EIF4G3: variants seen among roughly 807,000 people sequenced by gnomAD.
EIF4G3 encodes the protein eIF-4-gamma 3.
In EIF4G3, 34 loss-of-function variants were observed where a neutral mutation model predicts 186.4. The ratio of observed to expected loss-of-function variants is 0.18; its 90% CI spans 0.14 to 0.24. The LOEUF (loss-of-function observed/expected upper bound fraction) is 0.24, where lower values mean the gene tolerates loss of function less well. EIF4G3 is among the 10% of genes least tolerant of loss of function. EIF4G3 has a pLI of 1.00. For synonymous variants in EIF4G3, 673 were observed against 679.5 expected, an observed-to-expected ratio of 0.99 and a Z score of 0.15; for missense variants, 1,536 against 1,948.5, an observed-to-expected ratio of 0.79 and a Z score of 3.99.
intron 7 of EIF4G3, among the ~76,000 whole-genome samples, chr1:20,996,122 C>G (rs1411333399): frequency 2.6e-5 from 4 of 152,124 alleles, no homozygotes; most frequent in Non-Finnish European, 5.9e-5. Context: ...AGTAGTAATA[C>G]TAATTCTATG....
chr1:21,113,322 A>T (rs184860088), intron 2 of EIF4G3, among the ~76,000 whole-genome samples: 76 of 151,060 alleles, frequency 5.0e-4, no homozygotes, highest in East Asian at 4.7e-3. Context: ...TTTTTTTTTT[A>T]AATTCTATCA....
intron 2 of EIF4G3, among the ~76,000 whole-genome samples, chr1:21,122,972 G>C (rs2096953730): frequency 6.6e-6 from 1 of 152,136 alleles, no homozygotes; most frequent in African/African-American, 2.4e-5. Context: ...TGAATGTAAG[G>C]TTAATATAAT....
chr1:20,869,099 C>T (rs2078388149), intron 20 of EIF4G3, among the ~76,000 whole-genome samples: 1 of 152,148 alleles, frequency 6.6e-6, no homozygotes, highest in Non-Finnish European at 1.5e-5. Context: ...ATGGTAAGTC[C>T]TGGCCTTGGC....
chr1:21,089,608 C>A (rs996750133), intron 2 of EIF4G3, among the ~76,000 whole-genome samples: 1 of 152,108 alleles, frequency 6.6e-6, no homozygotes, highest in Non-Finnish European at 1.5e-5. Context: ...TCAAGACAAG[C>A]CTGGGCAACA....
At chr1:21,106,471 C>T (rs2096620373) in intron 2 of EIF4G3, among the ~76,000 whole-genome samples, 1 of 152,066 alleles carries the variant, frequency 6.6e-6, no homozygotes, top group African/African-American at 2.4e-5. Flanking sequence ...GAATAGTTTA[C>T]AGATAGTGTA....
chr1:21,137,176 C>T (rs2097261348), intron 2 of EIF4G3, among the ~76,000 whole-genome samples: 1 of 148,270 alleles, frequency 6.7e-6, no homozygotes, highest in South Asian at 2.1e-4. Flanking sequence ...CTAGGTCTCA[C>T]TCTGTTGCTC....
chr1:20,960,633 G>A (rs558680535), intron 12 of EIF4G3, among the ~76,000 whole-genome samples: 3 of 152,060 alleles, frequency 2.0e-5, no homozygotes, highest in Non-Finnish European at 2.9e-5. Flanking sequence ...TGTGCATGTA[G>A]TCCCAGCTAC....
In EIF4G3 at chr1:21,033,415, A is replaced by T. The variant is rs532297051; in HGVS notation, c.-67+17451T>A. Among the ~76,000 whole-genome samples the T allele has an allele frequency of 3.3e-5, 5 of 152,322 alleles. No homozygotes were observed. The South Asian group carries it at 1.0e-3, about 32-fold the overall frequency. On this transcript the variant is annotated intron_variant, in intron 4 of 36. Transcript: ENST00000602326. ...CAGAAACATGATATTGAAACCTAAC[A>T]GCAGAGCAGATAAAGAATTCATTCT...
intron 20 of EIF4G3, among the ~76,000 whole-genome samples, chr1:20,876,684 G>C (rs1380676248): frequency 6.6e-6 from 1 of 152,152 alleles, no homozygotes; most frequent in Admixed American, 6.6e-5. Flanking sequence ...GTTCAAATAG[G>C]TTGTTATCTT....
intron 34 of EIF4G3, among the ~76,000 whole-genome samples, chr1:20,814,512 T>C (rs1350783940): frequency 6.6e-6 from 1 of 152,084 alleles, no homozygotes; most frequent in East Asian, 1.9e-4. Context: ...GATCATCTAC[T>C]CAATCTATGA....
Position 20,817,487 on chromosome 1 carries a change from T to C in EIF4G3, c.4420A>G (p.Lys1474Glu), listed in dbSNP as rs1557762946. The change falls in exon 34 of 37, where the codon AAG becomes GAG. Residue 1474 changes from lysine (K) to glutamate (E), a missense_variant. Transcript: ENST00000602326. ...DSPCSSEALS[K>E]KELSAEELYK... ...AGCTCTTCGGCAGACAGTTCTTTCT[T>C]TGAAAGTGCTTCAGAGGAACAGGGA... is the stretch of plus-strand genomic sequence containing the variant. 6.2e-7 allele frequency: 1 copy of C among 1,608,388 alleles called. No individual in the cohort carries two copies. Among genetic ancestry groups the C allele is most frequent in the African/African-American group, 1.3e-5 (1 of 74,878 alleles).
intron 19 of EIF4G3, among the ~76,000 whole-genome samples, chr1:20,885,697 CAAT>C (rs1304866813): frequency 2.0e-5 from 3 of 152,046 alleles, no homozygotes. Context: ...AATTTTGTGT[CAAT>C]AAAATAAATC....
chr1:21,091,381 G>A (rs930440553), intron 2 of EIF4G3, among the ~76,000 whole-genome samples: 5 of 151,870 alleles, frequency 3.3e-5, no homozygotes, highest in Non-Finnish European at 5.9e-5. Flanking sequence ...GGCTGGTCTC[G>A]AACTCCTGAG....
At chr1:21,164,866 T>G (rs1035474092) in intron 2 of EIF4G3, among the ~76,000 whole-genome samples, 1 of 151,766 alleles carries the variant, frequency 6.6e-6, no homozygotes, top group Non-Finnish European at 1.5e-5. Context: ...CTCAAGAAAA[T>G]GAAAAGATAA....
chr1:20,938,046 G>C (rs537462020), intron 14 of EIF4G3, among the ~76,000 whole-genome samples: 1 of 152,054 alleles, frequency 6.6e-6, no homozygotes, highest in Admixed American at 6.5e-5. Context: ...GCCTAGGCTG[G>C]AGTGAAGTGG....
At chr1:20,999,207 C>T in intron 6 of EIF4G3, 1 of 224,570 alleles carries the variant, frequency 4.5e-6, no homozygotes, top group Non-Finnish European at 9.3e-6. Context: ...TATGTTAGGT[C>T]AGCCATCATA....
At chr1:21,174,992 A>C (rs1396708354) in intron 2 of EIF4G3, 1 of 152,238 alleles carries the variant, frequency 6.6e-6, no homozygotes, top group Non-Finnish European at 1.5e-5. Context: ...ACAGACAAGA[A>C]TCAAACTACA....
chr1:20,812,713 A>G (rs1205089986), intron 35 of EIF4G3, among the ~76,000 whole-genome samples: 2 of 152,232 alleles, frequency 1.3e-5, no homozygotes, highest in Non-Finnish European at 2.9e-5. Flanking sequence ...AATAAAGTCA[A>G]CAAAGAACAG....
chr1:21,159,850 T>C lies in EIF4G3; in HGVS notation c.-272+16325A>G, dbSNP rs541574509. The stretch of plus-strand genomic sequence containing the variant: ...TGCCAGGTGCGGTGGCTTACACCTG[T>C]AATCCCAGCACTTTGGGAGGCCAAG... On this transcript the variant is annotated intron_variant, in intron 2 of 36. Transcript: ENST00000602326. Among the ~76,000 whole-genome samples, 4 of 152,042 alleles carry C rather than the reference T, an allele frequency of 2.6e-5. No homozygotes were observed. In the South Asian group the frequency reaches 8.3e-4, roughly 32 times the overall value.
Sources: gnomAD v4.1 joint callset for allele counts (sites outside exome capture counted in the v4.1 genomes callset) on GRCh38, gnomAD v4.1.1 for gene constraint, MANE v1.5 for transcripts, NCBI Gene and HGNC (gene_info 2026-07-23, HGNC 2026-07-21) for gene names.